Variants in RNF214 observed in about 807,000 individuals in gnomAD.
RNF214 encodes the protein ring finger protein 214.
Under a neutral mutation model 75.9 loss-of-function variants are expected in RNF214, and 25 were observed. The ratio of observed to expected loss-of-function variants is 0.33; its 90% confidence interval spans 0.24 to 0.46. The LOEUF (loss-of-function observed/expected upper bound fraction) is 0.46. RNF214 is among the 20% of genes least tolerant of loss of function. The pLI, the probability that RNF214 is intolerant of heterozygous loss-of-function variation, is 1.00. For synonymous variants in RNF214, 314 were observed against 308.8 expected, an observed-to-expected ratio of 1.02 and a Z score of -0.18; for missense variants, 725 against 857.5, an observed-to-expected ratio of 0.85 and a Z score of 1.93.
chr11:117,258,962 T>C (rs1466199073), intron 6 of RNF214, among the ~76,000 whole-genome samples: 1 of 152,228 alleles, frequency 6.6e-6, no homozygotes, highest in Non-Finnish European at 1.5e-5. Context: ...TTTTATTTTA[T>C]TTATTTATTT....
intron 6 of RNF214, among the ~76,000 whole-genome samples, chr11:117,247,672 G>T (rs1038333760): frequency 2.0e-4 from 31 of 152,094 alleles, no homozygotes; most frequent in Non-Finnish European, 3.8e-4. Context: ...CCAATATGGT[G>T]AAACCCCATC....
At chr11:117,238,247 A>G (rs1384014513) in intron 2 of RNF214, among the ~76,000 whole-genome samples, 2 of 152,174 alleles carry the variant, frequency 1.3e-5, no homozygotes, top group South Asian at 2.1e-4. Flanking sequence ...CGTGCAAAAA[A>G]TACAAAAAAT....
rs576038754 is a variant in RNF214 at position 117,246,210 on chromosome 11, T to G, written c.820-599T>G. Among the ~76,000 whole-genome samples the G allele has an allele frequency of 6.3e-4, 96 of 152,108 alleles. 1 individual carries two copies. In the Middle Eastern group the frequency reaches 0.014, roughly 22 times the overall value. ...GAACTCCCGGACACAGTGATCCTCC[T>G]GCCTTGGGTTCCCAAAGTACAAGGA... On this transcript the variant is annotated intron_variant, in intron 5 of 14. Coordinates refer to ENST00000300650, the MANE Select transcript of RNF214 (RefSeq NM_207343.4).
chr11:117,257,233 G>T (rs2033547047), intron 6 of RNF214, among the ~76,000 whole-genome samples: 1 of 152,082 alleles, frequency 6.6e-6, no homozygotes, highest in Non-Finnish European at 1.5e-5. Flanking sequence ...CTACTTGGGG[G>T]GCAGAGGTGG....
At chr11:117,267,549 C>CA (rs1361384008) in intron 6 of RNF214, among the ~76,000 whole-genome samples, 1 of 151,168 alleles carries the variant, frequency 6.6e-6, no homozygotes, top group African/African-American at 2.4e-5. Flanking sequence ...CCCGTCTCTA[C>CA]AAAAAATACA....
At chr11:117,234,983 A>T (rs1175256887) in intron 2 of RNF214, among the ~76,000 whole-genome samples, 1 of 152,212 alleles carries the variant, frequency 6.6e-6, no homozygotes, top group Non-Finnish European at 1.5e-5. Context: ...GATAAAAAAT[A>T]AATAAAGTGG....
chr11:117,279,998 G>A lies in RNF214; in HGVS notation c.1050G>A (p.Lys350=), dbSNP rs1219087250. The change falls in exon 7 of 15, where the codon AAG becomes AAA. Residue 350 remains lysine, a synonymous_variant. Coordinates refer to ENST00000300650, the MANE Select transcript of RNF214 (RefSeq NM_207343.4). ...TGGAAGAGACTGAACGGGCCTGGAAGGCAGAGGTGAGAAGAGGAGCTGATA... is the reference window on the plus strand; with the variant it reads ...TGGAAGAGACTGAACGGGCCTGGAAAGCAGAGGTGAGAAGAGGAGCTGATA... ...NIMEETERAW[K]AEILSLESRK... is the part of the protein sequence containing the mutation. 4.3e-6 allele frequency: 7 copies of A among 1,610,938 alleles called. No individual in the cohort carries two copies. The highest frequency in any genetic ancestry group is 1.6e-4 in the Middle Eastern group (1 of 6,082).
At chr11:117,281,430 C>A in intron 9 of RNF214, 26 bp downstream of exon 9, 1 of 1,560,104 alleles carries the variant, frequency 6.4e-7, no homozygotes, top group South Asian at 1.1e-5. Flanking sequence ...AGTCATCATT[C>A]AGTCAGTGTT....
In RNF214 at chr11:117,244,438, A is replaced by G. The variant is rs764151900; in HGVS notation, c.679-7A>G. On this transcript the variant is annotated splice_polypyrimidine_tract_variant and splice_region_variant and intron_variant, in intron 4 of 14. Coordinates refer to ENST00000300650, the MANE Select transcript of RNF214 (RefSeq NM_207343.4). Reference sequence around the variant, plus strand: ...GAAATAAGCTTTTCTTGTCTTGTTCATAATAGGATAAAATGATGACAGAGA... The same window carrying G: ...GAAATAAGCTTTTCTTGTCTTGTTCGTAATAGGATAAAATGATGACAGAGA... The G allele has an allele frequency of 3.1e-6, 5 of 1,606,186 alleles. No homozygotes were observed. The highest frequency in any genetic ancestry group is 1.1e-5 in the South Asian group (1 of 89,428).
At chr11:117,249,882 A>C (rs185181757) in intron 6 of RNF214, among the ~76,000 whole-genome samples, 87 of 152,320 alleles carry the variant, frequency 5.7e-4, no homozygotes, top group Non-Finnish European at 1.0e-3. Flanking sequence ...ATCCAAATAC[A>C]ATTACACTGG....
chr11:117,249,308 C>T (rs930565310), intron 6 of RNF214, among the ~76,000 whole-genome samples: 17 of 152,050 alleles, frequency 1.1e-4, no homozygotes, highest in Admixed American at 1.0e-3. Context: ...ACTCTACTAC[C>T]TTTTCCATCT....
intron 6 of RNF214, among the ~76,000 whole-genome samples, chr11:117,259,850 A>G (rs2033615263): frequency 6.6e-6 from 1 of 151,786 alleles, no homozygotes; most frequent in Non-Finnish European, 1.5e-5. Flanking sequence ...TGTTATGTAA[A>G]AATTTTCTTC....
chr11:117,271,346 G>T (rs1401856704), intron 6 of RNF214, among the ~76,000 whole-genome samples: 2 of 152,156 alleles, frequency 1.3e-5, no homozygotes, highest in African/African-American at 2.4e-5. Flanking sequence ...CTCTTATTTA[G>T]CAACAATGCC....
intron 6 of RNF214, among the ~76,000 whole-genome samples, chr11:117,275,400 CAAAG>C (rs770128705): frequency 6.6e-5 from 10 of 151,914 alleles, no homozygotes; most frequent in Non-Finnish European, 1.0e-4. Context: ...AAAGAAATAA[CAAAG>C]AACAGAACTA....
At chr11:117,236,933 T>A (rs561899957) in intron 2 of RNF214, among the ~76,000 whole-genome samples, 1 of 152,360 alleles carries the variant, frequency 6.6e-6, no homozygotes, top group Admixed American at 6.5e-5. Context: ...TATTTCTGTT[T>A]TACAAATGAG....
intron 6 of RNF214, among the ~76,000 whole-genome samples, chr11:117,257,627 TG>T (rs1312800746): frequency 1.3e-5 from 2 of 152,132 alleles, no homozygotes; most frequent in Non-Finnish European, 2.9e-5. Flanking sequence ...GAATTTTTGG[TG>T]GGAAAATAGA....
chr11:117,271,923 C>T (rs1320994306), intron 6 of RNF214, among the ~76,000 whole-genome samples: 1 of 152,156 alleles, frequency 6.6e-6, no homozygotes, highest in African/African-American at 2.4e-5. Context: ...AGCAGTCCTC[C>T]CACCTCAGCC....
At chr11:117,272,469 G>C (rs536648) in intron 6 of RNF214, among the ~76,000 whole-genome samples, 107,436 of 151,940 alleles carry the variant, frequency 0.71, 39,601 homozygotes, top group East Asian at 0.95. Context: ...GAGAGCATTA[G>C]GACAAATAGC....
At position 117,266,286 on chromosome 11, in the gene RNF214, T is replaced by C. The variant is rs147580167; in HGVS notation, c.960-13622T>C. The stretch of plus-strand genomic sequence containing the variant: ...CCACATGCTGTTTTCTTTGTACTTT[T>C]CCTGTTTGGAGTTTTCTGAGTTTCT... On this transcript the variant is annotated intron_variant, in intron 6 of 14. Coordinates refer to ENST00000300650, the MANE Select transcript of RNF214 (RefSeq NM_207343.4). Among the ~76,000 whole-genome samples the C allele has an allele frequency of 7.1e-3, 1,083 of 152,330 alleles. 10 individuals carry two copies. Among genetic ancestry groups the C allele is most frequent in the African/African-American group, 0.024 (979 of 41,570 alleles).
Sources: gnomAD v4.1 joint callset for allele counts (sites outside exome capture counted in the v4.1 genomes callset) on GRCh38, gnomAD v4.1.1 for gene constraint, MANE v1.5 for transcripts, NCBI Gene and HGNC (gene_info 2026-07-23, HGNC 2026-07-21) for gene names.